The following DNAH3 variants were observed in gnomAD, a reference collection of about 807,000 sequenced individuals.
DNAH3 encodes axonemal beta dynein heavy chain 3.
A neutral mutation model predicts 432.5 loss-of-function variants in DNAH3; 332 were observed. The observed-to-expected ratio is 0.77, with a 90% CI of 0.70 to 0.84. The LOEUF is 0.84. Ranked by LOEUF, DNAH3 falls within the 40% of genes least tolerant of loss-of-function variation. The pLI is 0.00. For synonymous variants in DNAH3, 1,956 were observed against 1,900.2 expected (o/e 1.03, Z -0.76); for missense variants, 4,861 against 5,114.0 (o/e 0.95, Z 1.51).
chr16:20,985,031 G>C lies in DNAH3; in HGVS notation c.7665+46C>G. On this transcript the variant is annotated intron_variant, in intron 48 of 61. Transcript: ENST00000261383. ...ACACCCAGAAGAACAAGGGCAAATGGAGTTTTCTTCTTCTTACCGAGGACA... is the reference window on the plus strand; with the variant it reads ...ACACCCAGAAGAACAAGGGCAAATGCAGTTTTCTTCTTCTTACCGAGGACA... The C allele has an allele frequency of 1.3e-6, 2 of 1,567,018 alleles. No individual in the cohort carries two copies. The highest frequency in any genetic ancestry group is 8.6e-7 in the Non-Finnish European group (1 of 1,156,086).
chr16:20,946,417 TC>T (rs2152571914), intron 57 of DNAH3, among the ~76,000 whole-genome samples: 2 of 152,304 alleles, frequency 1.3e-5, no homozygotes, highest in African/African-American at 4.8e-5. Context: ...GCCTCGCGTC[TC>T]CCTAAAATGT....
intron 37 of DNAH3, among the ~76,000 whole-genome samples, chr16:21,028,034 C>G (rs990845131): frequency 1.3e-5 from 2 of 152,080 alleles, no homozygotes; most frequent in Non-Finnish European, 2.9e-5. Context: ...GTTACCCAGA[C>G]TGAAATACAA....
intron 1 of DNAH3, chr16:21,159,202 G>A (rs2092931970): frequency 1.0e-6 from 1 of 958,816 alleles, no homozygotes; most frequent in Non-Finnish European, 1.7e-6. Flanking sequence ...CATCGCTGCA[G>A]AGAGATCTGC....
At chr16:21,013,727 A>AAG (rs1393781536) in intron 41 of DNAH3, among the ~76,000 whole-genome samples, 5 of 151,270 alleles carry the variant, frequency 3.3e-5, no homozygotes, top group Non-Finnish European at 7.4e-5. Context: ...CTCAAAAAAA[A>AAG]AAAAAAAAAA....
intron 1 of DNAH3, among the ~76,000 whole-genome samples, chr16:21,149,236 AAAAG>A (rs1324966563): frequency 1.1e-4 from 16 of 151,938 alleles, no homozygotes; most frequent in South Asian, 1.0e-3. Context: ...CAAAAAAAAA[AAAAG>A]AAAGAAAGAA....
intron 9 of DNAH3, 111 bp downstream of exon 10, chr16:21,125,064 T>C: frequency 1.2e-6 from 1 of 848,228 alleles, no homozygotes; most frequent in South Asian, 2.4e-5. Context: ...AGTCAAGCAT[T>C]TCACTTTGTG....
intron 37 of DNAH3, among the ~76,000 whole-genome samples, chr16:21,029,088 C>A (rs1168017538): frequency 2.0e-5 from 3 of 152,184 alleles, no homozygotes; most frequent in Non-Finnish European, 4.4e-5. Context: ...CAGAGGAAAA[C>A]CATTAGGAAA....
chr16:20,941,663 A>T, intron 58 of DNAH3, 120 bp from the exon 59 acceptor site: 1 of 1,270,966 alleles, frequency 7.9e-7, no homozygotes. Flanking sequence ...CTTTCCTGAG[A>T]ACTCTCCAAC....
At chr16:21,105,718 G>A (rs1217762839) in intron 15 of DNAH3, among the ~76,000 whole-genome samples, 1 of 151,798 alleles carries the variant, frequency 6.6e-6, no homozygotes, top group African/African-American at 2.4e-5. Flanking sequence ...GTGAGCCGAG[G>A]GTGGCACTGC....
At chr16:21,024,338 T>G (rs2088423994) in intron 39 of DNAH3, among the ~76,000 whole-genome samples, 1 of 152,028 alleles carries the variant, frequency 6.6e-6, no homozygotes, top group Non-Finnish European at 1.5e-5. Flanking sequence ...ACTGGGATTC[T>G]CCACTGGGGA....
At chr16:21,001,295 A>G (rs2087006039) in intron 42 of DNAH3, among the ~76,000 whole-genome samples, 1 of 152,168 alleles carries the variant, frequency 6.6e-6, no homozygotes, top group Non-Finnish European at 1.5e-5. Flanking sequence ...CCCTGTCATC[A>G]GCCATTTGGC....
intron 16 of DNAH3, 58 bp downstream of exon 16, chr16:21,104,413 C>T: frequency 6.8e-7 from 1 of 1,478,518 alleles, no homozygotes; most frequent in Non-Finnish European, 9.5e-7. Context: ...CAGGAACCTG[C>T]AGCATGGGTG....
rs146115188 is a variant in DNAH3, at chr16:21,027,611, G to A, written c.5440-484C>T. 3.7e-3 allele frequency among the ~76,000 whole-genome samples: 556 copies of A among 152,210 alleles called. 20 individuals are homozygous for A. The East Asian group carries it at 0.089, about 24-fold the overall frequency. On this transcript the variant is annotated intron_variant, in intron 37 of 61. Transcript: ENST00000261383. ...TCCCAGCACTTTGGGAGGCCGAGGC[G>A]GGTGGATCACTTGAGGTCAGGAGTT...
At chr16:21,107,333 G>T (rs530472627) in intron 14 of DNAH3, among the ~76,000 whole-genome samples, 51 of 143,742 alleles carry the variant, frequency 3.5e-4, no homozygotes, top group African/African-American at 1.3e-3. Flanking sequence ...TCTGCTTCCC[G>T]GGCTCAAGCA....
rs1301003562 is a variant in DNAH3, at chr16:20,981,957, T to C, written c.7859+764A>G. On this transcript the variant is annotated intron_variant, in intron 49 of 61. Transcript: ENST00000261383. Reference sequence around the variant, plus strand: ...ACATACATAAAGTGTATAAAGCACATATATTATATATAATAAAGCATATAT... The same window carrying C: ...ACATACATAAAGTGTATAAAGCACACATATTATATATAATAAAGCATATAT... Among the ~76,000 whole-genome samples the C allele has an allele frequency of 2.0e-5, 3 of 147,722 alleles. No homozygotes were observed. The East Asian group carries it at 5.9e-4, about 29-fold the overall frequency.
chr16:20,954,942 G>A, exon 55 of DNAH3: 1 of 1,614,192 alleles, frequency 6.2e-7, no homozygotes. Flanking sequence ...GGGTCATTGA[G>A]GTAGGAGCGC....
intron 31 of DNAH3, among the ~76,000 whole-genome samples, chr16:21,043,082 T>C (rs1299205241): frequency 1.3e-5 from 2 of 152,246 alleles, no homozygotes; most frequent in Admixed American, 6.5e-5. Context: ...TGTTGGACAT[T>C]TGGGTTGGTT....
At chr16:21,075,132 G>A (rs1046902987) in intron 21 of DNAH3, among the ~76,000 whole-genome samples, 1 of 152,298 alleles carries the variant, frequency 6.6e-6, no homozygotes, top group African/African-American at 2.4e-5. Flanking sequence ...TGACGGGACT[G>A]GGAAGCTTTG....
chr16:21,090,072 T>A (rs930088170), intron 18 of DNAH3, among the ~76,000 whole-genome samples: 4 of 152,038 alleles, frequency 2.6e-5, no homozygotes, highest in African/African-American at 7.2e-5. Flanking sequence ...TAGACCATTT[T>A]TTTTTAAAAT....
Sources: allele counts gnomAD v4.1 joint callset (sites outside exome capture counted in the v4.1 genomes callset), GRCh38; gene constraint gnomAD v4.1.1; transcripts MANE v1.5; gene names NCBI Gene and HGNC (gene_info 2026-07-23, HGNC 2026-07-21).